The following SMU1 variants were observed in gnomAD, a reference collection of about 807,000 sequenced individuals.
SMU1 encodes the protein SMU1 DNA replication regulator and spliceosomal factor.
In SMU1, 2 loss-of-function variants were observed where a neutral mutation model predicts 62.0. That is an observed-to-expected ratio of 0.03 (90% confidence interval 0.01 to 0.10). The LOEUF is 0.10. SMU1 is among the 10% of genes least tolerant of loss of function. The pLI, the probability that SMU1 is intolerant of heterozygous loss-of-function variation, is 1.00. For synonymous variants in SMU1, 188 were observed against 212.4 expected, an observed-to-expected ratio of 0.89 and a Z score of 1.00; for missense variants, 227 against 622.1, an observed-to-expected ratio of 0.36 and a Z score of 6.76.
chr9:33,067,027 G>A (rs955832544), intron 4 of SMU1, among the ~76,000 whole-genome samples: 2 of 151,892 alleles, frequency 1.3e-5, no homozygotes, highest in African/African-American at 4.8e-5. Flanking sequence ...ACTCAGGCTG[G>A]ACTAGCAGAA....
chr9:33,072,266 G>A (rs2117877875), intron 2 of SMU1, among the ~76,000 whole-genome samples: 1 of 152,186 alleles, frequency 6.6e-6, no homozygotes, highest in East Asian at 1.9e-4. Context: ...GAACCCGAGA[G>A]GCGGAGAGTG....
intron 7 of SMU1, among the ~76,000 whole-genome samples, 154 bp downstream of exon 7, chr9:33,057,444 C>T (rs1245667753): frequency 1.3e-5 from 2 of 152,144 alleles, no homozygotes; most frequent in African/African-American, 2.4e-5. Context: ...GACAGAGTTG[C>T]TAAGATTACA....
chr9:33,057,803 T>C (rs577170469), intron 6 of SMU1, 89 bp from the exon 7 acceptor site: 81 of 1,551,128 alleles, frequency 5.2e-5, no homozygotes, highest in Middle Eastern at 3.4e-4. Flanking sequence ...GGGCAATGGA[T>C]TGTACCTACT....
chr9:33,054,252 C>T (rs543254401), intron 9 of SMU1, among the ~76,000 whole-genome samples: 6 of 151,340 alleles, frequency 4.0e-5, no homozygotes, highest in Non-Finnish European at 8.8e-5. Flanking sequence ...CTCCTGAGTT[C>T]AAGCGATCCT....
rs929785649 is a variant in SMU1 at position 33,067,990 on chromosome 9, T to C, written c.501+834A>G. ...AATAATGACCATGCTGGCAACACTA[T>C]TAGTAATTTTTTAAAAAATCATCAC... is the stretch of plus-strand genomic sequence containing the variant. On this transcript the variant is annotated intron_variant, in intron 4 of 11. Transcript: ENST00000397149. Among the ~76,000 whole-genome samples, 11 of 152,182 alleles carry C rather than the reference T, an allele frequency of 7.2e-5. 1 individual carries two copies. The highest frequency in any genetic ancestry group is 3.9e-4 in the Admixed American group (6 of 15,280).
chr9:33,054,127 A>G (rs549161434), intron 9 of SMU1, among the ~76,000 whole-genome samples: 2 of 152,334 alleles, frequency 1.3e-5, no homozygotes, highest in East Asian at 3.9e-4. Context: ...TCTATGTAAA[A>G]TAATTAAAAT....
chr9:33,074,056 G>GT (rs1839515226), intron 1 of SMU1, among the ~76,000 whole-genome samples: 1 of 152,176 alleles, frequency 6.6e-6, no homozygotes. Flanking sequence ...TGGTGTCAAG[G>GT]TGACTATCTT....
At chr9:33,051,434 A>C (rs1839247911) in intron 10 of SMU1, among the ~76,000 whole-genome samples, 1 of 152,158 alleles carries the variant, frequency 6.6e-6, no homozygotes, top group Non-Finnish European at 1.5e-5. Flanking sequence ...ATACAACACC[A>C]AGAGTGAATC....
intron 4 of SMU1, among the ~76,000 whole-genome samples, chr9:33,065,373 C>A (rs1183841459): frequency 6.6e-6 from 1 of 152,104 alleles, no homozygotes; most frequent in African/African-American, 2.4e-5. Flanking sequence ...TCACATCTAA[C>A]CAATTAAATG....
At chr9:33,076,528 A>C in intron 1 of SMU1, 55 bp downstream of exon 1, 1 of 1,607,640 alleles carries the variant, frequency 6.2e-7, no homozygotes. Flanking sequence ...TCCGCCCCAC[A>C]CCCTTAACCT....
In SMU1 at chr9:33,073,750, G is replaced by A. The variant is rs774944719; in HGVS notation, c.83C>T (p.Ala28Val). Residue 28 changes from alanine (A) to valine (V), a missense_variant, in exon 2 of 12, where the codon GCC (alanine) becomes GTC (valine). Transcript: ENST00000397149. Reference protein sequence around the residue: ...LKENSLHRALATLQEETTVSL... With the variant: ...LKENSLHRALVTLQEETTVSL... Reference sequence around the variant, plus strand: ...CACAGTAGTCTCCTCCTGCAAGGTGGCTAACGCCCGATGTAAACTGTTCTC... The same window carrying A: ...CACAGTAGTCTCCTCCTGCAAGGTGACTAACGCCCGATGTAAACTGTTCTC... 3.1e-6 allele frequency: 5 copies of A among 1,614,176 alleles called. No homozygotes were observed. The South Asian group carries it at 5.5e-5, about 18-fold the overall frequency.
intron 10 of SMU1, 104 bp downstream of exon 10, chr9:33,053,019 A>G (rs1458610129): frequency 1.0e-6 from 1 of 982,270 alleles, no homozygotes. Context: ...GTTTACAGAG[A>G]AATGAACCCA....
chr9:33,074,449 CAA>C (rs935925535), intron 1 of SMU1, among the ~76,000 whole-genome samples: 5 of 147,888 alleles, frequency 3.4e-5, no homozygotes, highest in Non-Finnish European at 3.0e-5. Context: ...CACACACACA[CAA>C]AAAAAAAAAT....
In SMU1 at chr9:33,063,287, G is replaced by C. The variant is rs553633051; in HGVS notation, c.502-1110C>G. Among the ~76,000 whole-genome samples the C allele has an allele frequency of 2.5e-4, 38 of 152,154 alleles. No homozygotes were observed. The South Asian group carries it at 4.2e-3, about 17-fold the overall frequency. ...TGAGGCAGGAAAATTGCTTGAACCCGGGACGCAGAGGTTGCAGTGAGCCAA... is the reference window on the plus strand; with the variant it reads ...TGAGGCAGGAAAATTGCTTGAACCCCGGACGCAGAGGTTGCAGTGAGCCAA... On this transcript the variant is annotated intron_variant, in intron 4 of 11. Transcript: ENST00000397149.
rs1839155588 is a variant in SMU1, at chr9:33,044,074, T to A, written c.*3219A>T. The A allele has an allele frequency of 6.7e-6, 1 of 149,560 alleles. No individual in the cohort carries two copies. The highest frequency in any genetic ancestry group is 1.5e-5 in the Non-Finnish European group (1 of 67,618). 9.3% of individuals were successfully genotyped at this position (149,560 alleles called of 1,614,324 possible). A position where few individuals can be genotyped will look rare whatever the true frequency, so the allele number is the denominator to read the frequency against. On this transcript the variant is annotated 3_prime_UTR_variant, in exon 12 of 12. Coordinates refer to ENST00000397149, the MANE Select transcript of SMU1 (RefSeq NM_018225.3). Reference sequence around the variant, plus strand: ...TCCAGTCATTAATTCAACAGCAGAATAGGGGATAGGACAAATGTCCTTATG... The same window carrying A: ...TCCAGTCATTAATTCAACAGCAGAAAAGGGGATAGGACAAATGTCCTTATG...
intron 1 of SMU1, 48 bp from the exon 2 acceptor site, chr9:33,073,854 G>T: frequency 6.4e-7 from 1 of 1,550,818 alleles, no homozygotes; most frequent in Non-Finnish European, 8.9e-7. Context: ...CTCACCAGAG[G>T]TCAAAAATAA....
intron 4 of SMU1, among the ~76,000 whole-genome samples, chr9:33,063,100 G>A (rs931051274): frequency 6.6e-6 from 1 of 152,272 alleles, no homozygotes; most frequent in African/African-American, 2.4e-5. Context: ...GGTGGCTCAC[G>A]CCTGTAATTC....
At chr9:33,056,046 C>A (rs1839300139) in intron 9 of SMU1, 67 bp downstream of exon 9, 2 of 1,502,376 alleles carry the variant, frequency 1.3e-6, no homozygotes, top group Non-Finnish European at 1.8e-6. Context: ...ATTATCACCA[C>A]TGAAAACTCC....
At position 33,048,200 on chromosome 9, in the gene SMU1, A is replaced by G. The variant is rs2119418461; in HGVS notation, c.1349T>C (p.Leu450Pro). 1 of 1,614,154 alleles carries G rather than the reference A, an allele frequency of 6.2e-7. No individual in the cohort carries two copies. The highest frequency in any genetic ancestry group is 2.2e-5 in the East Asian group (1 of 44,884). The change falls in exon 11 of 12, where the codon CTC becomes CCC. Residue 450 changes from leucine to proline, a missense_variant. This residue lies in a region of SMU1 where 25 missense variants were observed against 116.2 expected (regional missense o/e 0.22). Transcript: ENST00000397149. ...REGGDFVCCALSPRGEWIYCV... is the reference protein window; with the variant it reads ...REGGDFVCCAPSPRGEWIYCV... ...GTAGATCCATTCACCACGGGGAGAG[A>G]GGGCACAGCAAACAAAGTCCCCACC...
Sources: gnomAD v4.1 joint callset for allele counts (sites outside exome capture counted in the v4.1 genomes callset) on GRCh38, gnomAD v4.1.1 for gene constraint, gnomAD v4.1.1 regional missense constraint, MANE v1.5 for transcripts, NCBI Gene and HGNC (gene_info 2026-07-23, HGNC 2026-07-21) for gene names.